PEX6: variants seen among roughly 807,000 people sequenced by gnomAD.
PEX6 encodes peroxisome biogenesis factor 6.
PEX6 carries 55 observed loss-of-function variants against 85.6 expected under a neutral mutation model. The ratio of observed to expected loss-of-function variants is 0.64; its 90% CI spans 0.52 to 0.80. The LOEUF (loss-of-function observed/expected upper bound fraction) is 0.80. PEX6 is among the 30% of genes least tolerant of loss of function. PEX6 has a pLI of 0.00. For synonymous variants in PEX6, 519 were observed against 549.1 expected, an observed-to-expected ratio of 0.95 and a Z score of 0.77; for missense variants, 1,099 against 1,260.3, an observed-to-expected ratio of 0.87 and a Z score of 1.94.
rs1769601866 is a variant in PEX6 at position 42,963,932 on chromosome 6, C to G, written c.*403G>C. On this transcript the variant is annotated 3_prime_UTR_variant, in exon 17 of 17. Transcript: ENST00000304611. ...GATCAGGCTCCCATGCTGCCCACCCCCCCACCCTCTCCCAGGGCTTACTCC... is the reference window on the plus strand; with the variant it reads ...GATCAGGCTCCCATGCTGCCCACCCGCCCACCCTCTCCCAGGGCTTACTCC... 1.6e-6 allele frequency: 1 copy of G among 612,032 alleles called. No individual in the cohort carries two copies. The highest frequency in any genetic ancestry group is 1.8e-5 in the African/African-American group (1 of 54,762). 37.9% of individuals were successfully genotyped at this position (612,032 alleles called of 1,614,324 possible).
chr6:42,965,983 G>A lies in PEX6; in HGVS notation c.2362+61C>T. 3 of 1,556,730 alleles carry A rather than the reference G, an allele frequency of 1.9e-6. No individual in the cohort carries two copies. The highest frequency in any genetic ancestry group is 1.1e-5 in the South Asian group (1 of 89,972). ...CATGAGTAGCCTGGGAGTAGGGGGT[G>A]GCTTGGGGGCCATCGGGGTTTGGGA... On this transcript the variant is annotated intron_variant, in intron 12 of 16. Coordinates refer to ENST00000304611, the MANE Select transcript of PEX6 (RefSeq NM_000287.4). The surrounding 1 kb of genome is among the most constrained non-coding windows in gnomAD (Gnocchi z 5.0).
intron 7 of PEX6, 135 bp from the exon 8 acceptor site, chr6:42,967,698 C>T: frequency 2.8e-6 from 2 of 710,880 alleles, no homozygotes; most frequent in Non-Finnish European, 4.8e-6. Flanking sequence ...TGAGCATCTA[C>T]CCCAGTTCCT....
intron 2 of PEX6, among the ~76,000 whole-genome samples, chr6:42,974,607 A>G (rs1373427979): frequency 6.6e-6 from 1 of 151,116 alleles, no homozygotes; most frequent in African/African-American, 2.4e-5. Context: ...ACAGGCGCCC[A>G]CCACCACACT....
chr6:42,966,169 G>A, intron 11 of PEX6, 64 bp from the exon 12 acceptor site: 2 of 1,609,594 alleles, frequency 1.2e-6, no homozygotes, highest in Non-Finnish European at 1.7e-6. Context: ...TGACCTCTTG[G>A]GCAGCCCCTC....
At position 42,964,401 on chromosome 6, in the gene PEX6, T is replaced by A. The variant is rs562040179; in HGVS notation, c.2877A>T (p.Gln959His). Residue 959 changes from glutamine (Q) to histidine (H), a missense_variant, in exon 17 of 17, where the codon CAA (glutamine) becomes CAT (histidine). Coordinates refer to ENST00000304611, the MANE Select transcript of PEX6 (RefSeq NM_000287.4). The surrounding 1 kb of genome is among the most constrained non-coding windows in gnomAD (Gnocchi z 4.6). ...EDLLQAAARL[Q>H]PSVSEQELLR... Reference sequence around the variant, plus strand: ...GCAGCTCCTGCTCACTGACTGAGGGTTGCAGCCGGGCGGCAGCCTGCAGCA... The same window carrying A: ...GCAGCTCCTGCTCACTGACTGAGGGATGCAGCCGGGCGGCAGCCTGCAGCA... 6.2e-7 allele frequency: 1 copy of A among 1,613,818 alleles called. No individual in the cohort carries two copies. The highest frequency in any genetic ancestry group is 2.2e-5 in the East Asian group (1 of 44,890).
chr6:42,975,802 C>A (rs1581774715), intron 1 of PEX6, among the ~76,000 whole-genome samples: 1 of 151,988 alleles, frequency 6.6e-6, no homozygotes, highest in East Asian at 1.9e-4. Context: ...CCTCTTCCTC[C>A]TGGGTTCAAA....
intron 3 of PEX6, 94 bp from the exon 4 acceptor site, chr6:42,970,081 G>C: frequency 4.2e-6 from 4 of 959,062 alleles, no homozygotes; most frequent in Non-Finnish European, 6.7e-6. Context: ...ACAAACAAAA[G>C]CACCACAAGA....
chr6:42,967,265 G>A (rs757281857), intron 8 of PEX6, 103 bp downstream of exon 8: 47 of 1,179,768 alleles, frequency 4.0e-5, no homozygotes, highest in Non-Finnish European at 5.4e-5. Context: ...CACGGCGCCC[G>A]CGCTGGGTTT....
At chr6:42,967,117 G>A (rs989190981) in intron 8 of PEX6, among the ~76,000 whole-genome samples, 1 of 151,944 alleles carries the variant, frequency 6.6e-6, no homozygotes, top group Non-Finnish European at 1.5e-5. Context: ...TTACAGGCAT[G>A]TGCCACCACA....
chr6:42,978,217 G>T (rs1357155111), intron 1 of PEX6, 52 bp downstream of exon 1: 24 of 1,588,476 alleles, frequency 1.5e-5, no homozygotes, highest in Non-Finnish European at 8.6e-7. Flanking sequence ...CTAAGACAGA[G>T]AAGAGGGTAT....
At position 42,966,766 on chromosome 6, in the gene PEX6, G is replaced by T. The variant is rs750098197; in HGVS notation, c.1961+16C>A. 2.5e-6 allele frequency: 4 copies of T among 1,613,648 alleles called. No individual in the cohort carries two copies. On this transcript the variant is annotated intron_variant, in intron 9 of 16. Coordinates refer to ENST00000304611, the MANE Select transcript of PEX6 (RefSeq NM_000287.4). ...CATTTCCTCTTTCCGCCTTTCCGGT[G>T]CCCACGTCCTCTTACCCTGAGTTCT...
At chr6:42,967,114 C>A (rs1769853789) in intron 8 of PEX6, among the ~76,000 whole-genome samples, 1 of 151,956 alleles carries the variant, frequency 6.6e-6, no homozygotes, top group Non-Finnish European at 1.5e-5. Context: ...GGATTACAGG[C>A]ATGTGCCACC....
At chr6:42,973,537 C>G (rs543892539) in intron 3 of PEX6, among the ~76,000 whole-genome samples, 2 of 152,096 alleles carry the variant, frequency 1.3e-5, no homozygotes, top group Non-Finnish European at 2.9e-5. Context: ...AACTGAAGGA[C>G]AGGTGAATTT....
In PEX6 at chr6:42,965,158, G is replaced by A; in HGVS notation, c.2589-6C>T. On this transcript the variant is annotated splice_polypyrimidine_tract_variant and splice_region_variant and intron_variant, in intron 14 of 16. Coordinates refer to ENST00000304611, the MANE Select transcript of PEX6 (RefSeq NM_000287.4). The surrounding 1 kb of genome is among the most constrained non-coding windows in gnomAD (Gnocchi z 5.0). ...CAAACACCAGCTTGTCAAATCTTTA[G>A]GGAGATAGGCAGGTATAAGTTTCAG... 1 of 1,614,088 alleles carries A rather than the reference G, an allele frequency of 6.2e-7. No homozygotes were observed. Among genetic ancestry groups the A allele is most frequent in the Non-Finnish European group, 8.5e-7 (1 of 1,179,930 alleles).
rs117798645 is a variant in PEX6 at position 42,967,623 on chromosome 6, C to T, written c.1689-60G>A. The T allele has an allele frequency of 0.025, 38,196 of 1,510,606 alleles. 576 individuals carry two copies. The highest frequency in any genetic ancestry group is 0.028 in the Non-Finnish European group (31,513 of 1,114,520). 93.6% of individuals were successfully genotyped at this position (1,510,606 alleles called of 1,614,324 possible). On this transcript the variant is annotated intron_variant, in intron 7 of 16. Coordinates refer to ENST00000304611, the MANE Select transcript of PEX6 (RefSeq NM_000287.4). ...CATGGCTGGCAGCTCCTGTGGACTG[C>T]CTTGTCCCAAAGTCGGCACAGAAGG...
chr6:42,966,376 C>G lies in PEX6; in HGVS notation c.2166G>C (p.Gln722His), dbSNP rs747708705. The change falls in exon 11 of 17, where the codon CAG (glutamine) becomes CAC (histidine). Residue 722 changes from glutamine to histidine, a missense_variant. Around this residue, in one of 3 missense-constraint regions of PEX6, gnomAD observed 514 missense variants for 627.0 expected, o/e 0.82. Transcript: ENST00000304611. ...GTAGCTCAGGGTGCTCCAGGGGGAG[C>G]TGAATGGTCTCCAGGATCTCCTTCT... is the stretch of plus-strand genomic sequence containing the variant. ...EVKKEILETI[Q>H]LPLEHPELLS... The G allele has an allele frequency of 1.2e-6, 2 of 1,614,090 alleles. No individual in the cohort carries two copies. The highest frequency in any genetic ancestry group is 1.7e-6 in the Non-Finnish European group (2 of 1,179,998).
chr6:42,972,793 A>G (rs1026601726), intron 3 of PEX6, among the ~76,000 whole-genome samples: 12 of 138,674 alleles, frequency 8.7e-5, no homozygotes, highest in African/African-American at 2.8e-4. Context: ...AAAAAAGAGA[A>G]ATCCCTCTCC....
intron 1 of PEX6, among the ~76,000 whole-genome samples, chr6:42,975,427 C>T (rs1277826229): frequency 2.6e-5 from 4 of 152,154 alleles, no homozygotes; most frequent in African/African-American, 7.2e-5. Context: ...AAAAGCTGAA[C>T]GGGTTGGTTC....
In PEX6 at chr6:42,964,235, GGCA is replaced by G. The variant is rs1769626382; in HGVS notation, c.*97_*99del. ...GAGGGAGGTGGCCTCCAGGTGGGTT[GGCA>G]GCAGCCTGAGGAGGAGCCCTTCCTT... On this transcript the variant is annotated 3_prime_UTR_variant, in exon 17 of 17. Coordinates refer to ENST00000304611, the MANE Select transcript of PEX6 (RefSeq NM_000287.4). This position sits in a 1 kb window ranked among gnomAD's most constrained non-coding sequence, Gnocchi z 4.6. The G allele has an allele frequency of 2.0e-6, 3 of 1,465,984 alleles. No homozygotes were observed. The highest frequency in any genetic ancestry group is 2.8e-6 in the Non-Finnish European group (3 of 1,054,898). The allele number at this position is 1,465,984 out of a possible 1,614,324, so 90.8% of individuals were successfully genotyped here. A position where few individuals can be genotyped will look rare whatever the true frequency, so the allele number is the denominator to read the frequency against.
Sources: allele counts gnomAD v4.1 joint callset (sites outside exome capture counted in the v4.1 genomes callset), GRCh38; gene constraint gnomAD v4.1.1; regional missense constraint gnomAD v4.1.1; non-coding constraint Gnocchi (gnomAD v3.1); transcripts MANE v1.5; gene names NCBI Gene and HGNC (gene_info 2026-07-23, HGNC 2026-07-21).